Variants in STXBP5 observed in about 807,000 individuals in gnomAD.
STXBP5 encodes the protein syntaxin binding protein 5.
Under a neutral mutation model 152.4 loss-of-function variants are expected in STXBP5, and 50 were observed. That is an observed-to-expected ratio of 0.33 (90% CI 0.26 to 0.42). The LOEUF is 0.42. Among genes scored for constraint, STXBP5 ranks in the 10% least tolerant of loss-of-function variants. The probability of loss-of-function intolerance (pLI) is 1.00; values close to 1 mark genes in which losing one functional copy is unlikely to be tolerated. For synonymous variants in STXBP5, 492 were observed against 494.7 expected, an observed-to-expected ratio of 0.99 and a Z score of 0.07; for missense variants, 1,167 against 1,388.6, an observed-to-expected ratio of 0.84 and a Z score of 2.54.
chr6:147,249,491 G>A (rs1270334556), intron 4 of STXBP5, among the ~76,000 whole-genome samples: 1 of 152,136 alleles, frequency 6.6e-6, no homozygotes, highest in African/African-American at 2.4e-5. Context: ...TATAGTGGGA[G>A]AACAGAATGC....
intron 21 of STXBP5, among the ~76,000 whole-genome samples, chr6:147,351,183 T>C (rs1342943361): frequency 2.6e-5 from 4 of 152,216 alleles, no homozygotes; most frequent in Non-Finnish European, 4.4e-5. Context: ...TGGGAGCTCA[T>C]TGGAAATGTC....
At chr6:147,280,789 A>G (rs551498598) in intron 8 of STXBP5, among the ~76,000 whole-genome samples, 1 of 152,340 alleles carries the variant, frequency 6.6e-6, no homozygotes, top group African/African-American at 2.4e-5. Flanking sequence ...TTTAAATAAA[A>G]AAGACAATAT....
chr6:147,328,721 C>T, intron 18 of STXBP5: 1 of 470,908 alleles, frequency 2.1e-6, no homozygotes, highest in South Asian at 1.5e-5. Flanking sequence ...TGACTTCTTG[C>T]ATGTGCGGCC....
At chr6:147,288,975 T>C (rs1781134964) in intron 8 of STXBP5, among the ~76,000 whole-genome samples, 1 of 152,174 alleles carries the variant, frequency 6.6e-6, no homozygotes, top group African/African-American at 2.4e-5. Flanking sequence ...TAGGAATTCG[T>C]ACACACGTCC....
intron 2 of STXBP5, among the ~76,000 whole-genome samples, chr6:147,233,822 A>G (rs1432517147): frequency 2.0e-5 from 3 of 150,750 alleles, no homozygotes; most frequent in African/African-American, 4.9e-5. Flanking sequence ...TATAGCAAAA[A>G]TACTACTCCT....
intron 9 of STXBP5, among the ~76,000 whole-genome samples, chr6:147,299,843 C>T (rs1247604120): frequency 1.3e-5 from 2 of 151,962 alleles, no homozygotes; most frequent in African/African-American, 2.4e-5. Context: ...AAGACAAAGC[C>T]ATCCAGATTG....
At chr6:147,371,990 C>T (rs1315430438) in intron 25 of STXBP5, among the ~76,000 whole-genome samples, 3 of 151,918 alleles carry the variant, frequency 2.0e-5, no homozygotes, top group Non-Finnish European at 4.4e-5. Flanking sequence ...CCTAAAATTG[C>T]CTTTGTTATA....
intron 18 of STXBP5, among the ~76,000 whole-genome samples, chr6:147,331,636 C>G (rs567535167): frequency 6.6e-6 from 1 of 152,216 alleles, no homozygotes; most frequent in South Asian, 2.1e-4. Context: ...TTGACCACAA[C>G]TTCGTATGTG....
rs1177473075 is a variant in STXBP5 at position 147,390,112 on chromosome 6, C to T, written c.*5357C>T. ...GCTGCACTTTTTATTTAATCTTGCTCAGTCCCAGTAACTATCTCAAAGGTA... is the reference window on the plus strand; with the variant it reads ...GCTGCACTTTTTATTTAATCTTGCTTAGTCCCAGTAACTATCTCAAAGGTA... On this transcript the variant is annotated 3_prime_UTR_variant, in exon 28 of 28. Coordinates refer to ENST00000321680, the MANE Select transcript of STXBP5 (RefSeq NM_001127715.4). 6.6e-6 allele frequency: 1 copy of T among 151,990 alleles called. No individual in the cohort carries two copies. The highest frequency in any genetic ancestry group is 1.9e-4 in the East Asian group (1 of 5,164). 9.4% of individuals were successfully genotyped at this position (151,990 alleles called of 1,614,324 possible).
chr6:147,208,139 G>GTT (rs199571383), intron 2 of STXBP5, among the ~76,000 whole-genome samples: 1 of 151,400 alleles, frequency 6.6e-6, no homozygotes, highest in African/African-American at 2.4e-5. Context: ...ATACTCTAAA[G>GTT]TTTTTTTTTA....
chr6:147,282,979 A>T (rs1780772183), intron 8 of STXBP5, among the ~76,000 whole-genome samples: 1 of 139,238 alleles, frequency 7.2e-6, no homozygotes, highest in African/African-American at 3.1e-5. Flanking sequence ...TGATGAGCTA[A>T]AAAAAAAAAA....
At chr6:147,340,512 CTT>C (rs1582968078) in intron 21 of STXBP5, among the ~76,000 whole-genome samples, 1 of 151,942 alleles carries the variant, frequency 6.6e-6, no homozygotes, top group African/African-American at 2.4e-5. Flanking sequence ...GCACAATAGT[CTT>C]TAACCAATTT....
chr6:147,305,292 G>A (rs1275074942), intron 9 of STXBP5, among the ~76,000 whole-genome samples: 1 of 152,186 alleles, frequency 6.6e-6, no homozygotes, highest in East Asian at 1.9e-4. Context: ...CTTGACCACA[G>A]TTTGGAAAGC....
chr6:147,364,482 C>G (rs1028288688), intron 25 of STXBP5, among the ~76,000 whole-genome samples: 8 of 152,308 alleles, frequency 5.3e-5, no homozygotes, highest in African/African-American at 1.9e-4. Flanking sequence ...TACACACACA[C>G]AGTCCTTTTT....
intron 4 of STXBP5, among the ~76,000 whole-genome samples, chr6:147,257,317 G>A (rs555205049): frequency 2.7e-4 from 41 of 151,282 alleles, no homozygotes; most frequent in Non-Finnish European, 5.3e-4. Context: ...CCATTTTAAG[G>A]TAACTTTTCA....
chr6:147,287,264 G>A (rs1582892877), intron 8 of STXBP5, among the ~76,000 whole-genome samples: 1 of 139,666 alleles, frequency 7.2e-6, no homozygotes, highest in African/African-American at 2.7e-5. Flanking sequence ...GTGCAGTGGC[G>A]GGATCTCGGC....
At position 147,278,047 on chromosome 6, in the gene STXBP5, GATTTTTTAAATGGT is replaced by G; in HGVS notation, c.715-27_715-14del. ...TTACAAATAGTTTACTGTTTAAATAGATTTTTTAAATGGTATTTTTCATCCTTCTATAGGCTATC... is the reference window on the plus strand; with the variant it reads ...TTACAAATAGTTTACTGTTTAAATAGATTTTTCATCCTTCTATAGGCTATC... On this transcript the variant is annotated intron_variant, in intron 7 of 27. Transcript: ENST00000321680. The G allele has an allele frequency of 6.4e-7, 1 of 1,567,736 alleles. No individual in the cohort carries two copies.
At chr6:147,347,012 G>A (rs1378794497) in intron 21 of STXBP5, among the ~76,000 whole-genome samples, 3 of 152,136 alleles carry the variant, frequency 2.0e-5, no homozygotes, top group African/African-American at 7.2e-5. Context: ...AACCTAAGGA[G>A]GCAGAGAGTG....
chr6:147,324,413 C>T lies in STXBP5; in HGVS notation c.1803-546C>T, dbSNP rs189157455. ...TCAGCCTCCAGAGTAGCTGGGACTA[C>T]AGGCACACACCACCACGCCAGGCTA... On this transcript the variant is annotated intron_variant, in intron 16 of 27. Coordinates refer to ENST00000321680, the MANE Select transcript of STXBP5 (RefSeq NM_001127715.4). Among the ~76,000 whole-genome samples the T allele has an allele frequency of 7.1e-3, 1,083 of 151,640 alleles. 14 individuals carry two copies. The highest frequency in any genetic ancestry group is 0.025 in the African/African-American group (1,039 of 41,352).
Sources: gnomAD v4.1 joint callset for allele counts (sites outside exome capture counted in the v4.1 genomes callset) on GRCh38, gnomAD v4.1.1 for gene constraint, MANE v1.5 for transcripts, NCBI Gene and HGNC (gene_info 2026-07-23, HGNC 2026-07-21) for gene names.